The following SLC4A4 variants were observed in gnomAD, a reference collection of about 807,000 sequenced individuals.
SLC4A4 encodes electrogenic sodium bicarbonate cotransporter 1.
Under a neutral mutation model 111.5 loss-of-function variants are expected in SLC4A4, and 27 were observed. That is an observed-to-expected ratio of 0.24 (90% CI 0.18 to 0.33). The LOEUF (loss-of-function observed/expected upper bound fraction) is 0.33, where lower values mean the gene tolerates loss of function less well. Ranked by LOEUF, SLC4A4 falls within the 10% of genes least tolerant of loss-of-function variation. The pLI is 1.00. For synonymous variants in SLC4A4, 443 were observed against 463.4 expected (o/e 0.96, Z 0.57); for missense variants, 909 against 1,315.5 (o/e 0.69, Z 4.78).
intron 22 of SLC4A4, 101 bp from the exon 23 acceptor site, chr4:71,559,992 C>T: frequency 5.6e-6 from 5 of 898,162 alleles, no homozygotes; most frequent in Non-Finnish European, 9.2e-6. Flanking sequence ...TCTAGCCTTA[C>T]ACAAAGTAGG....
At chr4:71,394,371 A>T (rs969964776) in intron 6 of SLC4A4, among the ~76,000 whole-genome samples, 1 of 152,188 alleles carries the variant, frequency 6.6e-6, no homozygotes, top group African/African-American at 2.4e-5. Context: ...AAAAGAAGAT[A>T]TGCAAATGGC....
At chr4:71,309,247 G>T (rs1179579267) in intron 3 of SLC4A4, among the ~76,000 whole-genome samples, 3 of 152,196 alleles carry the variant, frequency 2.0e-5, no homozygotes, top group African/African-American at 7.2e-5. Flanking sequence ...TCTCCCTAGG[G>T]CAGAGCACCT....
At chr4:71,561,399 T>C (rs927778332) in intron 23 of SLC4A4, among the ~76,000 whole-genome samples, 3 of 151,866 alleles carry the variant, frequency 2.0e-5, no homozygotes, top group Non-Finnish European at 4.4e-5. Flanking sequence ...ATTTTTCTAA[T>C]TGTACACAGC....
chr4:71,136,504 T>G (rs1041568565), intron 2 of SLC4A4, among the ~76,000 whole-genome samples: 1 of 152,214 alleles, frequency 6.6e-6, no homozygotes, highest in Non-Finnish European at 1.5e-5. Flanking sequence ...CAGCATTGTC[T>G]GAGGACCCAT....
At chr4:71,331,711 C>G (rs1478893723) in intron 3 of SLC4A4, among the ~76,000 whole-genome samples, 4 of 150,342 alleles carry the variant, frequency 2.7e-5, no homozygotes, top group Non-Finnish European at 5.9e-5. Context: ...GCACATGTAC[C>G]CTAGGACTTA....
At chr4:71,316,169 C>A (rs1726660007) in intron 3 of SLC4A4, among the ~76,000 whole-genome samples, 2 of 152,176 alleles carry the variant, frequency 1.3e-5, no homozygotes, top group African/African-American at 4.8e-5. Context: ...TCAGTAGGAA[C>A]TAGTTTCAAC....
intron 16 of SLC4A4, among the ~76,000 whole-genome samples, chr4:71,502,965 C>T (rs1731080321): frequency 6.6e-6 from 1 of 152,020 alleles, no homozygotes; most frequent in South Asian, 2.1e-4. Flanking sequence ...TCTGTTTCTC[C>T]CTTTAGATAG....
At chr4:71,463,081 G>C (rs1726990495) in intron 12 of SLC4A4, among the ~76,000 whole-genome samples, 2 of 152,154 alleles carry the variant, frequency 1.3e-5, no homozygotes, top group Admixed American at 6.5e-5. Context: ...TCTTTCTACT[G>C]TTCCACAGTG....
chr4:71,155,085 G>GGTGT (rs36062875), intron 2 of SLC4A4, among the ~76,000 whole-genome samples: 1 of 150,340 alleles, frequency 6.7e-6, no homozygotes, highest in Non-Finnish European at 1.5e-5. Flanking sequence ...TGTATTATGG[G>GGTGT]GTGTGTGTGT....
intron 1 of SLC4A4, among the ~76,000 whole-genome samples, chr4:71,073,481 T>C (rs1006379765): frequency 2.0e-5 from 3 of 152,212 alleles, no homozygotes; most frequent in Non-Finnish European, 2.9e-5. Flanking sequence ...TGTTTGATTC[T>C]TTCAAGTATT....
At chr4:71,534,090 C>G in intron 17 of SLC4A4, 137 bp from the exon 18 acceptor site, 1 of 737,688 alleles carries the variant, frequency 1.4e-6, no homozygotes. Flanking sequence ...AATCTTCATT[C>G]TCTAGCTCAT....
intron 2 of SLC4A4, among the ~76,000 whole-genome samples, chr4:71,110,116 G>A (rs908585718): frequency 6.6e-6 from 1 of 152,198 alleles, no homozygotes; most frequent in African/African-American, 2.4e-5. Context: ...TTGCTGGATT[G>A]TAATTACTGT....
intron 6 of SLC4A4, among the ~76,000 whole-genome samples, chr4:71,359,974 C>G (rs1294855686): frequency 2.6e-5 from 4 of 152,098 alleles, no homozygotes; most frequent in Non-Finnish European, 5.9e-5. Context: ...TGGTAGTGTA[C>G]TGGAGTCAGC....
intron 2 of SLC4A4, among the ~76,000 whole-genome samples, chr4:71,166,500 C>T (rs1744746702): frequency 6.6e-6 from 1 of 152,118 alleles, no homozygotes; most frequent in Non-Finnish European, 1.5e-5. Context: ...GCTTTGTGTT[C>T]CAATGCCCTG....
At chr4:71,324,116 A>G (rs769279510) in intron 3 of SLC4A4, among the ~76,000 whole-genome samples, 1 of 152,002 alleles carries the variant, frequency 6.6e-6, no homozygotes, top group Non-Finnish European at 1.5e-5. Flanking sequence ...ATGCAGTCTT[A>G]CGATATGCAG....
intron 3 of SLC4A4, among the ~76,000 whole-genome samples, chr4:71,276,369 A>G (rs1332222801): frequency 6.6e-6 from 1 of 152,196 alleles, no homozygotes; most frequent in Non-Finnish European, 1.5e-5. Context: ...GTATACATTC[A>G]TGTAACTACT....
intron 1 of SLC4A4, among the ~76,000 whole-genome samples, chr4:71,224,583 G>T (rs557467041): frequency 6.6e-6 from 1 of 152,268 alleles, no homozygotes; most frequent in South Asian, 2.1e-4. Context: ...TATTTGTAAA[G>T]CAATTACAAT....
chr4:71,067,720 G>C (rs533306764), intron 1 of SLC4A4, among the ~76,000 whole-genome samples: 1 of 151,944 alleles, frequency 6.6e-6, no homozygotes, highest in Non-Finnish European at 1.5e-5. Context: ...CTTAAATTGG[G>C]GTATAGTTTA....
intron 7 of SLC4A4, among the ~76,000 whole-genome samples, chr4:71,414,660 A>G (rs569821808): frequency 1.3e-5 from 2 of 152,212 alleles, no homozygotes; most frequent in South Asian, 4.1e-4. Context: ...TCCTGAAACT[A>G]TATTTTTTAT....
Sources: gnomAD v4.1 joint callset for allele counts (sites outside exome capture counted in the v4.1 genomes callset) on GRCh38, gnomAD v4.1.1 for gene constraint, MANE v1.5 for transcripts, NCBI Gene and HGNC (gene_info 2026-07-23, HGNC 2026-07-21) for gene names.